The following STAT3 variants were observed in gnomAD, a reference collection of about 807,000 sequenced individuals.
STAT3 encodes signal transducer and activator of transcription 3, also known as DNA-binding protein APRF.
A neutral mutation model predicts 114.3 loss-of-function variants in STAT3; 7 were observed. That is an observed-to-expected ratio of 0.06 (90% CI 0.03 to 0.11). The LOEUF (loss-of-function observed/expected upper bound fraction) is 0.11, where lower values mean the gene tolerates loss of function less well. STAT3 is among the 10% of genes least tolerant of loss of function. The probability of loss-of-function intolerance (pLI) is 1.00; values close to 1 mark genes in which losing one functional copy is unlikely to be tolerated. For synonymous variants in STAT3, 331 were observed against 354.5 expected (o/e 0.93, Z 0.74); for missense variants, 364 against 960.9 (o/e 0.38, Z 8.21).
At chr17:42,377,823 C>T (rs1303948247) in intron 1 of STAT3, among the ~76,000 whole-genome samples, 1 of 152,114 alleles carries the variant, frequency 6.6e-6, no homozygotes, top group East Asian at 1.9e-4. Context: ...CTGTATGGAT[C>T]TTCTCTACCC....
At chr17:42,341,042 G>C (rs770543788) in intron 4 of STAT3, among the ~76,000 whole-genome samples, 126 of 152,236 alleles carry the variant, frequency 8.3e-4, no homozygotes, top group Non-Finnish European at 9.1e-4. Flanking sequence ...GCATTGGAAA[G>C]CCCCTATGGT....
chr17:42,323,828 G>A (rs2081586739), intron 17 of STAT3, among the ~76,000 whole-genome samples: 1 of 152,186 alleles, frequency 6.6e-6, no homozygotes, highest in Non-Finnish European at 1.5e-5. Flanking sequence ...TTGCTGGGTA[G>A]CCCAGCAGGG....
At chr17:42,346,297 T>C (rs2082697730) in intron 3 of STAT3, among the ~76,000 whole-genome samples, 1 of 152,200 alleles carries the variant, frequency 6.6e-6, no homozygotes, top group South Asian at 2.1e-4. Flanking sequence ...CATCTTCCTA[T>C]CAGTGGACCG....
intron 1 of STAT3, among the ~76,000 whole-genome samples, chr17:42,352,088 C>G (rs1360927024): frequency 1.3e-5 from 2 of 152,050 alleles, no homozygotes; most frequent in Non-Finnish European, 2.9e-5. Context: ...CACCTGTAAT[C>G]CCAGAACTTT....
At chr17:42,339,271 A>T in intron 5 of STAT3, 43 bp downstream of exon 5, 1 of 1,593,416 alleles carries the variant, frequency 6.3e-7, no homozygotes, top group Admixed American at 1.7e-5. Flanking sequence ...AAAAAAAAAA[A>T]ATTAATGAAA....
chr17:42,334,380 A>T (rs1351050543), intron 8 of STAT3, among the ~76,000 whole-genome samples: 7 of 151,594 alleles, frequency 4.6e-5, no homozygotes, highest in Admixed American at 4.6e-4. Flanking sequence ...TCCCGGGTTC[A>T]AGTGATTCTC....
intron 1 of STAT3, among the ~76,000 whole-genome samples, chr17:42,378,756 C>T (rs971037211): frequency 5.3e-5 from 8 of 152,056 alleles, no homozygotes; most frequent in South Asian, 2.1e-4. Flanking sequence ...GTTTGGTTTA[C>T]GGGAGAGGTA....
intron 1 of STAT3, among the ~76,000 whole-genome samples, chr17:42,372,473 T>A (rs1033467337): frequency 3.3e-5 from 5 of 152,212 alleles, no homozygotes; most frequent in African/African-American, 1.2e-4. Context: ...ACACACTGTA[T>A]GTCCAACTAT....
chr17:42,385,835 T>G (rs906846548), intron 1 of STAT3, among the ~76,000 whole-genome samples: 9 of 152,186 alleles, frequency 5.9e-5, no homozygotes, highest in Non-Finnish European at 1.2e-4. Flanking sequence ...CCAAAAACAG[T>G]TCCTCACTTC....
At chr17:42,374,561 G>A (rs939730785) in intron 1 of STAT3, among the ~76,000 whole-genome samples, 8 of 140,896 alleles carry the variant, frequency 5.7e-5, no homozygotes, top group Non-Finnish European at 1.2e-4. Context: ...AGTGAGCTGA[G>A]ATCGTGCCAT....
Position 42,323,562 on chromosome 17 carries a change from A to T in STAT3, c.1653+11T>A, listed in dbSNP as rs1188258716. 3 of 1,613,944 alleles carry T rather than the reference A, an allele frequency of 1.9e-6. No individual in the cohort carries two copies. The African/African-American group carries it at 4.0e-5, about 22-fold the overall frequency. On this transcript the variant is annotated intron_variant, in intron 18 of 23. Transcript: ENST00000264657. ...TTCCCATTCCCACGAGAATTTAACA[A>T]GATTGCTTACTTTGCAAAATTTAGC...
intron 1 of STAT3, among the ~76,000 whole-genome samples, chr17:42,351,704 A>G (rs529271296): frequency 1.3e-5 from 2 of 152,282 alleles, no homozygotes; most frequent in African/African-American, 4.8e-5. Flanking sequence ...ATGTCAGAAT[A>G]AGGTATTTGC....
intron 1 of STAT3, among the ~76,000 whole-genome samples, chr17:42,373,472 A>G (rs2084274726): frequency 1.3e-5 from 2 of 152,154 alleles, no homozygotes; most frequent in Non-Finnish European, 2.9e-5. Context: ...GAATCACTTG[A>G]GCCCGGGAGG....
At position 42,337,719 on chromosome 17, in the gene STAT3, G is replaced by A. The variant is rs368323829; in HGVS notation, c.645+44C>T. 1.9e-6 allele frequency: 3 copies of A among 1,613,596 alleles called. No individual in the cohort carries two copies. The highest frequency in any genetic ancestry group is 3.3e-5 in the Admixed American group (2 of 60,032). On this transcript the variant is annotated intron_variant, in intron 7 of 23. Coordinates refer to ENST00000264657, the MANE Select transcript of STAT3 (RefSeq NM_139276.3). The surrounding 1 kb of genome is among the most constrained non-coding windows in gnomAD (Gnocchi z 4.0). The stretch of plus-strand genomic sequence containing the variant: ...GCCACAAGACGCTGAAATCCCGCAA[G>A]TGAGCGAGACACATGGGGGAAGTGG...
At chr17:42,322,059 T>C (rs931880333) in intron 21 of STAT3, among the ~76,000 whole-genome samples, 12 of 152,218 alleles carry the variant, frequency 7.9e-5, no homozygotes, top group Middle Eastern at 3.4e-3. Context: ...TTTAGACTCA[T>C]GCACTCTCTG....
intron 2 of STAT3, among the ~76,000 whole-genome samples, chr17:42,347,908 G>A (rs2082769933): frequency 1.3e-5 from 2 of 152,172 alleles, no homozygotes; most frequent in African/African-American, 4.8e-5. Flanking sequence ...AGAACTATGA[G>A]CCGATTAAAC....
At chr17:42,325,969 A>AC in intron 15 of STAT3, 147 bp downstream of exon 15, 1 of 785,158 alleles carries the variant, frequency 1.3e-6, no homozygotes, top group South Asian at 1.5e-5. Flanking sequence ...GATGCCAAGG[A>AC]TTTTTTTGGA....
intron 1 of STAT3, among the ~76,000 whole-genome samples, chr17:42,379,574 T>G (rs1383519024): frequency 6.6e-6 from 1 of 152,172 alleles, no homozygotes; most frequent in East Asian, 1.9e-4. Flanking sequence ...CCCACCTTCT[T>G]TACCTGACTC....
chr17:42,337,382 A>C lies in STAT3; in HGVS notation c.797+53T>G, dbSNP rs1039784755. ...ATTCTGTGGGCCTGCAGTTAAGATCAGAATTCAATCTAGCTTTCGAGAAAG... is the reference window on the plus strand; with the variant it reads ...ATTCTGTGGGCCTGCAGTTAAGATCCGAATTCAATCTAGCTTTCGAGAAAG... On this transcript the variant is annotated intron_variant, in intron 8 of 23. Transcript: ENST00000264657. The surrounding 1 kb of genome is among the most constrained non-coding windows in gnomAD (Gnocchi z 4.0). The C allele has an allele frequency of 6.8e-6, 11 of 1,607,516 alleles. No individual in the cohort carries two copies. Among genetic ancestry groups the C allele is most frequent in the Non-Finnish European group, 9.4e-6 (11 of 1,175,344 alleles).
Sources: gnomAD v4.1 joint callset for allele counts (sites outside exome capture counted in the v4.1 genomes callset) on GRCh38, gnomAD v4.1.1 for gene constraint, Gnocchi (gnomAD v3.1) non-coding constraint, MANE v1.5 for transcripts, NCBI Gene and HGNC (gene_info 2026-07-23, HGNC 2026-07-21) for gene names.